Variants in KATNIP observed in about 807,000 individuals in gnomAD.
KATNIP encodes katanin-interacting protein.
A neutral mutation model predicts 174.0 loss-of-function variants in KATNIP; 126 were observed. That is an observed-to-expected ratio of 0.72 (90% CI 0.63 to 0.84). The LOEUF is 0.84. Among genes scored for constraint, KATNIP ranks in the 40% least tolerant of loss-of-function variants. The pLI, the probability that KATNIP is intolerant of heterozygous loss-of-function variation, is 0.00. For missense variants in KATNIP, 1,958 were observed against 2,109.7 expected (o/e 0.93, Z 1.41); for synonymous variants, 810 against 835.7 (o/e 0.97, Z 0.53).
At chr16:27,671,171 C>T (rs144214024) in intron 6 of KATNIP, among the ~76,000 whole-genome samples, 1,835 of 152,020 alleles carry the variant, frequency 0.012, 49 homozygotes, top group African/African-American at 0.042. Flanking sequence ...CCAGCCTGGG[C>T]GACAGAGCAA....
intron 6 of KATNIP, among the ~76,000 whole-genome samples, chr16:27,676,313 T>C (rs2078113263): frequency 6.6e-6 from 1 of 152,180 alleles, no homozygotes; most frequent in South Asian, 2.1e-4. Context: ...TGGGCTCCAG[T>C]TTTCAATTAC....
chr16:27,670,708 C>A (rs2077864516), intron 6 of KATNIP, among the ~76,000 whole-genome samples: 2 of 152,142 alleles, frequency 1.3e-5, no homozygotes, highest in African/African-American at 4.8e-5. Flanking sequence ...GTCCTCCACT[C>A]CACCATTCCC....
intron 12 of KATNIP, 128 bp downstream of exon 12, chr16:27,704,126 C>A (rs543530249): frequency 1.9e-5 from 13 of 698,140 alleles, no homozygotes; most frequent in Non-Finnish European, 2.3e-5. Context: ...TCCACCGCCC[C>A]CCCCCTCCCT....
intron 14 of KATNIP, among the ~76,000 whole-genome samples, chr16:27,729,492 G>T (rs915512754): frequency 6.6e-6 from 1 of 152,272 alleles, no homozygotes; most frequent in South Asian, 2.1e-4. Context: ...AATCATCAGG[G>T]AAGATAGAAA....
In KATNIP at chr16:27,740,228, A is replaced by G. The variant is rs777060521; in HGVS notation, c.1931A>G (p.His644Arg). The change falls in exon 15 of 28, where the codon CAT becomes CGT. Residue 644 changes from histidine (H) to arginine (R), a missense_variant. By Grantham distance (29) the His-to-Arg change is conservative. Transcript: ENST00000261588. Reference protein sequence around the residue: ...NAHSEESKGTHEMAGASGDKE... With the variant: ...NAHSEESKGTREMAGASGDKE... ...CACTCGGAAGAAAGCAAAGGCACCC[A>G]TGAGATGGCTGGTGCCAGCGGGGAC... is the stretch of plus-strand genomic sequence containing the variant. 1.1e-5 allele frequency: 17 copies of G among 1,614,242 alleles called. No individual in the cohort carries two copies. The highest frequency in any genetic ancestry group is 1.3e-5 in the African/African-American group (1 of 75,072).
intron 20 of KATNIP, 120 bp from the exon 21 acceptor site, chr16:27,769,740 TG>T: frequency 8.6e-7 from 1 of 1,166,796 alleles, no homozygotes; most frequent in Non-Finnish European, 1.2e-6. Context: ...CTCGGTCAGG[TG>T]GCTCTGCGAA....
chr16:27,755,403 G>A (rs1244682122), intron 18 of KATNIP: 2 of 152,236 alleles, frequency 1.3e-5, no homozygotes, highest in Non-Finnish European at 2.9e-5. Flanking sequence ...GGAGTTTCCT[G>A]GGGTGTGCTC....
chr16:27,734,636 G>T (rs112640640), intron 14 of KATNIP, among the ~76,000 whole-genome samples: 21 of 152,136 alleles, frequency 1.4e-4, no homozygotes, highest in Middle Eastern at 3.2e-3. Flanking sequence ...GGCAAAGATT[G>T]CAGTAAGCTG....
chr16:27,564,353 G>A (rs2090005410), intron 1 of KATNIP, among the ~76,000 whole-genome samples: 1 of 152,090 alleles, frequency 6.6e-6, no homozygotes, highest in Non-Finnish European at 1.5e-5. Context: ...TAAGAGAGAC[G>A]GGCTGACCCA....
At chr16:27,596,752 G>T (rs557007898) in intron 2 of KATNIP, among the ~76,000 whole-genome samples, 26 of 152,346 alleles carry the variant, frequency 1.7e-4, no homozygotes, top group African/African-American at 4.6e-4. Context: ...GCCAGGCATG[G>T]TGGCTCACAC....
chr16:27,561,586 G>T (rs2089886481), intron 1 of KATNIP, among the ~76,000 whole-genome samples: 1 of 152,176 alleles, frequency 6.6e-6, no homozygotes, highest in Non-Finnish European at 1.5e-5. Flanking sequence ...GGAAAGTTAT[G>T]GGTAAACGTA....
Position 27,561,499 on chromosome 16 carries a change from A to G in KATNIP, c.7+11322A>G, listed in dbSNP as rs561960781. ...GAAGTCACTTTCTCTCCCAGCTCCCACTTCACTTCAGAGCCCACTGCTACC... is the reference window on the plus strand; with the variant it reads ...GAAGTCACTTTCTCTCCCAGCTCCCGCTTCACTTCAGAGCCCACTGCTACC... On this transcript the variant is annotated intron_variant, in intron 1 of 27. Transcript: ENST00000261588. 8.6e-5 allele frequency among the ~76,000 whole-genome samples: 13 copies of G among 151,802 alleles called. No individual in the cohort carries two copies. In the East Asian group the frequency reaches 2.1e-3, roughly 25 times the overall value.
At chr16:27,606,328 C>A (rs577530208) in intron 2 of KATNIP, among the ~76,000 whole-genome samples, 1 of 152,172 alleles carries the variant, frequency 6.6e-6, no homozygotes, top group African/African-American at 2.4e-5. Flanking sequence ...GGGCTTAGGG[C>A]CATTGGAGCA....
At chr16:27,613,371 TC>T (rs2075953411) in intron 2 of KATNIP, among the ~76,000 whole-genome samples, 1 of 152,204 alleles carries the variant, frequency 6.6e-6, no homozygotes, top group South Asian at 2.1e-4. Context: ...TTTCAGTTTC[TC>T]GAGTCTTTCT....
At chr16:27,707,966 G>A (rs1328891273) in intron 12 of KATNIP, among the ~76,000 whole-genome samples, 1 of 151,638 alleles carries the variant, frequency 6.6e-6, no homozygotes, top group African/African-American at 2.4e-5. Flanking sequence ...ATATTCTGAG[G>A]TACTGGGGAT....
At chr16:27,671,966 G>C (rs1036621418) in intron 6 of KATNIP, among the ~76,000 whole-genome samples, 2 of 152,192 alleles carry the variant, frequency 1.3e-5, no homozygotes, top group Admixed American at 1.3e-4. Flanking sequence ...TGAGGCAGGA[G>C]AATCGCTTGA....
chr16:27,557,060 T>C (rs191056722), intron 1 of KATNIP, among the ~76,000 whole-genome samples: 1 of 152,274 alleles, frequency 6.6e-6, no homozygotes, highest in East Asian at 1.9e-4. Flanking sequence ...AATTCAGAGA[T>C]GCCAAAATGA....
At chr16:27,706,458 C>T (rs766194924) in intron 12 of KATNIP, among the ~76,000 whole-genome samples, 4 of 152,200 alleles carry the variant, frequency 2.6e-5, no homozygotes, top group Admixed American at 6.5e-5. Flanking sequence ...AAAGAGACGC[C>T]GTGGCTTTCC....
intron 14 of KATNIP, among the ~76,000 whole-genome samples, chr16:27,734,214 C>T (rs2080812226): frequency 6.6e-6 from 1 of 151,850 alleles, no homozygotes; most frequent in South Asian, 2.1e-4. Context: ...TCTCCAGTAG[C>T]TGAGATTATA....
Sources: gnomAD v4.1 joint callset for allele counts (sites outside exome capture counted in the v4.1 genomes callset) on GRCh38, gnomAD v4.1.1 for gene constraint, MANE v1.5 for transcripts, NCBI Gene and HGNC (gene_info 2026-07-23, HGNC 2026-07-21) for gene names.